The following HDAC9 variants were observed in gnomAD, a reference collection of about 807,000 sequenced individuals.
HDAC9 encodes the protein histone deacetylase 9.
Under a neutral mutation model 139.4 loss-of-function variants are expected in HDAC9, and 41 were observed. The observed-to-expected ratio is 0.29, with a 90% CI of 0.23 to 0.38. The LOEUF (loss-of-function observed/expected upper bound fraction) is 0.38, where lower values mean the gene tolerates loss of function less well. Ranked by LOEUF, HDAC9 falls within the 10% of genes least tolerant of loss-of-function variation. The pLI, the probability that HDAC9 is intolerant of heterozygous loss-of-function variation, is 1.00. For missense variants in HDAC9, 1,147 were observed against 1,297.0 expected, an observed-to-expected ratio of 0.88 and a Z score of 1.78; for synonymous variants, 517 against 476.2, an observed-to-expected ratio of 1.09 and a Z score of -1.12.
intron 2 of HDAC9, among the ~76,000 whole-genome samples, chr7:18,243,519 C>T (rs1443108395): frequency 2.6e-5 from 4 of 152,220 alleles, no homozygotes; most frequent in Non-Finnish European, 1.5e-5. Flanking sequence ...GGCTGTGCTC[C>T]TTCCAAATTC....
chr7:18,176,201 A>G (rs1788888609), intron 2 of HDAC9, among the ~76,000 whole-genome samples: 1 of 152,202 alleles, frequency 6.6e-6, no homozygotes, highest in Non-Finnish European at 1.5e-5. Context: ...AGCTGGTGAC[A>G]GTTTTTCGGT....
chr7:18,471,457 C>G (rs984759962), intron 1 of HDAC9, among the ~76,000 whole-genome samples: 2 of 152,178 alleles, frequency 1.3e-5, no homozygotes, highest in Non-Finnish European at 1.5e-5. Flanking sequence ...TTTCAACATT[C>G]ATGGTTCCAA....
At chr7:18,865,071 C>T (rs1201873607) in intron 21 of HDAC9, among the ~76,000 whole-genome samples, 1 of 152,068 alleles carries the variant, frequency 6.6e-6, no homozygotes, top group Non-Finnish European at 1.5e-5. Flanking sequence ...ACAACAACAA[C>T]AAAATTTGCT....
chr7:18,628,090 A>T (rs2128969128), intron 6 of HDAC9, among the ~76,000 whole-genome samples: 1 of 152,342 alleles, frequency 6.6e-6, no homozygotes, highest in African/African-American at 2.4e-5. Context: ...ATTTTCACTG[A>T]TAAAATCTGG....
chr7:18,367,038 G>T (rs1784237328), intron 1 of HDAC9, among the ~76,000 whole-genome samples: 1 of 151,920 alleles, frequency 6.6e-6, no homozygotes, highest in South Asian at 2.1e-4. Flanking sequence ...CTTCCCATCT[G>T]TATGAGATTT....
intron 2 of HDAC9, among the ~76,000 whole-genome samples, chr7:18,257,343 C>T (rs1486642017): frequency 6.7e-6 from 1 of 149,768 alleles, no homozygotes; most frequent in Admixed American, 6.7e-5. Flanking sequence ...GCCTGGATGA[C>T]ACAATGAGAC....
chr7:18,698,891 A>C (rs1783250366), intron 12 of HDAC9, among the ~76,000 whole-genome samples: 1 of 152,220 alleles, frequency 6.6e-6, no homozygotes, highest in African/African-American at 2.4e-5. Flanking sequence ...TTGGCAAAAA[A>C]TGGTACACTG....
At chr7:18,713,543 A>T (rs77336429) in intron 12 of HDAC9, among the ~76,000 whole-genome samples, 1 of 152,198 alleles carries the variant, frequency 6.6e-6, no homozygotes, top group Non-Finnish European at 1.5e-5. Context: ...AATTACAATT[A>T]ATTTTTCAAA....
At chr7:18,266,231 T>C (rs987634667) in intron 2 of HDAC9, among the ~76,000 whole-genome samples, 4 of 152,192 alleles carry the variant, frequency 2.6e-5, no homozygotes, top group African/African-American at 7.2e-5. Flanking sequence ...TGACAAGATA[T>C]CATGGTGGCC....
intron 1 of HDAC9, among the ~76,000 whole-genome samples, chr7:18,406,311 CA>C (rs1264153565): frequency 2.6e-5 from 4 of 152,040 alleles, no homozygotes; most frequent in African/African-American, 9.7e-5. Context: ...CAGTTTTTTG[CA>C]ATTACTTTTA....
At chr7:18,703,582 C>T (rs975781718) in intron 12 of HDAC9, among the ~76,000 whole-genome samples, 13 of 152,118 alleles carry the variant, frequency 8.5e-5, no homozygotes, top group African/African-American at 2.9e-4. Flanking sequence ...GTTTCCTATT[C>T]TATCATTTTA....
intron 2 of HDAC9, among the ~76,000 whole-genome samples, chr7:18,232,265 A>T (rs1482817153): frequency 6.6e-6 from 1 of 152,064 alleles, no homozygotes; most frequent in Non-Finnish European, 1.5e-5. Context: ...GAGGATCCAA[A>T]ACCCAAACCA....
At chr7:18,134,703 C>A (rs576184934) in intron 1 of HDAC9, among the ~76,000 whole-genome samples, 1 of 152,108 alleles carries the variant, frequency 6.6e-6, no homozygotes, top group Non-Finnish European at 1.5e-5. Context: ...CCCGTTCTTA[C>A]CCTCACCCAA....
intron 24 of HDAC9, among the ~76,000 whole-genome samples, chr7:18,959,849 C>A (rs1472406484): frequency 6.6e-6 from 1 of 152,018 alleles, no homozygotes; most frequent in Non-Finnish European, 1.5e-5. Context: ...CTTATTATGC[C>A]AACCAAGGCA....
At chr7:18,835,006 T>G (rs1392321436) in intron 19 of HDAC9, among the ~76,000 whole-genome samples, 1 of 152,186 alleles carries the variant, frequency 6.6e-6, no homozygotes, top group African/African-American at 2.4e-5. Flanking sequence ...ACATTAGTCT[T>G]TTTTCAGAGG....
chr7:18,932,841 A>G (rs1224189761), intron 22 of HDAC9, among the ~76,000 whole-genome samples: 1 of 145,946 alleles, frequency 6.9e-6, no homozygotes, highest in African/African-American at 2.6e-5. Flanking sequence ...GGAAGGAAGG[A>G]AGGAAAAAAA....
At chr7:18,850,777 G>C (rs966577889) in intron 21 of HDAC9, among the ~76,000 whole-genome samples, 1 of 152,180 alleles carries the variant, frequency 6.6e-6, no homozygotes, top group Non-Finnish European at 1.5e-5. Context: ...TGGAGGCTGA[G>C]AAGCCCAAGA....
At chr7:18,174,541 T>C (rs1191650629) in intron 2 of HDAC9, among the ~76,000 whole-genome samples, 1 of 152,234 alleles carries the variant, frequency 6.6e-6, no homozygotes, top group Non-Finnish European at 1.5e-5. Flanking sequence ...CTCTGGATTT[T>C]AGAATTTTCA....
chr7:18,160,709 C>G (rs186508520), intron 1 of HDAC9, among the ~76,000 whole-genome samples: 4 of 152,058 alleles, frequency 2.6e-5, no homozygotes, highest in Admixed American at 2.0e-4. Flanking sequence ...CTCTGCCTCC[C>G]GGGTTCAAGT....
Sources: allele counts gnomAD v4.1 joint callset (sites outside exome capture counted in the v4.1 genomes callset), GRCh38; gene constraint gnomAD v4.1.1; transcripts MANE v1.5; gene names NCBI Gene and HGNC (gene_info 2026-07-23, HGNC 2026-07-21).